UBE2Q1: variants seen among roughly 807,000 people sequenced by gnomAD.
UBE2Q1 encodes the protein ubiquitin conjugating enzyme E2 Q1, also known as ubiquitin-conjugating enzyme E2 Q1.
A neutral mutation model predicts 60.1 loss-of-function variants in UBE2Q1; 6 were observed. The ratio of observed to expected loss-of-function variants is 0.10; its 90% CI spans 0.05 to 0.20. UBE2Q1 has a LOEUF of 0.20. UBE2Q1 is among the 10% of genes least tolerant of loss of function. UBE2Q1 has a pLI of 1.00. For synonymous variants in UBE2Q1, 226 were observed against 208.3 expected (o/e 1.09, Z -0.73); for missense variants, 262 against 525.8 (o/e 0.50, Z 4.91).
chr1:154,554,866 C>T, intron 3 of UBE2Q1, 81 bp from the exon 4 acceptor site: 1 of 1,491,376 alleles, frequency 6.7e-7, no homozygotes. Flanking sequence ...CCCCTGAGCC[C>T]CCAGGTCTGG....
chr1:154,550,301 T>A lies in UBE2Q1; in HGVS notation c.*137A>T. On this transcript the variant is annotated 3_prime_UTR_variant, in exon 13 of 13. Coordinates refer to ENST00000292211, the MANE Select transcript of UBE2Q1 (RefSeq NM_017582.7). ...TTAGCGTTTAGAATAGCCATCATTG[T>A]CCTGCAATAGGCAGAGCTATCACGT... 1 of 1,146,906 alleles carries A rather than the reference T, an allele frequency of 8.7e-7. No individual in the cohort carries two copies. The highest frequency in any genetic ancestry group is 1.3e-6 in the Non-Finnish European group (1 of 784,236). The allele number at this position is 1,146,906 out of a possible 1,614,324, so 71.0% of individuals were successfully genotyped here. A position where few individuals can be genotyped will look rare whatever the true frequency, so the allele number is the denominator to read the frequency against.
At chr1:154,550,864 T>C in intron 12 of UBE2Q1, 74 bp downstream of exon 12, 3 of 1,612,572 alleles carry the variant, frequency 1.9e-6, no homozygotes, top group South Asian at 2.2e-5. Context: ...GAAGGGGTTC[T>C]TGCTCTGTGG....
chr1:154,551,054 T>C (rs1695783369), intron 11 of UBE2Q1, 50 bp from the exon 12 acceptor site: 2 of 1,604,878 alleles, frequency 1.2e-6, no homozygotes, highest in Non-Finnish European at 1.7e-6. Context: ...GTGGCCTTAC[T>C]GCCCCTCACC....
intron 4 of UBE2Q1, 124 bp from the exon 5 acceptor site, chr1:154,553,296 T>A: frequency 7.8e-7 from 1 of 1,287,512 alleles, no homozygotes; most frequent in Non-Finnish European, 1.0e-6. Context: ...GCAGTCCATC[T>A]AGCAGTCTTA....
intron 3 of UBE2Q1, 65 bp from the exon 4 acceptor site, chr1:154,554,850 C>T: frequency 1.3e-6 from 2 of 1,561,330 alleles, no homozygotes; most frequent in Non-Finnish European, 1.8e-6. Context: ...CAGCCTCCAA[C>T]CTACTCCCCT....
At position 154,558,174 on chromosome 1, in the gene UBE2Q1, C is replaced by A. The variant is rs1695925272; in HGVS notation, c.327+53G>T. On this transcript the variant is annotated intron_variant, in intron 1 of 12. Transcript: ENST00000292211. Reference sequence around the variant, plus strand: ...AGAGCAAAAAGCTGGATGGAGTGATCCTGGGTCCCTGACAAGGGGCCCCCA... The same window carrying A: ...AGAGCAAAAAGCTGGATGGAGTGATACTGGGTCCCTGACAAGGGGCCCCCA... 6 of 1,419,966 alleles carry A rather than the reference C, an allele frequency of 4.2e-6. No individual in the cohort carries two copies. The Admixed American group carries it at 1.5e-4, about 36-fold the overall frequency. 88.0% of individuals were successfully genotyped at this position (1,419,966 alleles called of 1,614,324 possible). A position where few individuals can be genotyped will look rare whatever the true frequency, so the allele number is the denominator to read the frequency against.
At chr1:154,551,893 T>G (rs756239158) in intron 9 of UBE2Q1, 28 bp downstream of exon 9, 2 of 1,614,116 alleles carry the variant, frequency 1.2e-6, no homozygotes, top group South Asian at 2.2e-5. Context: ...CCAGAGGAGA[T>G]GCCCTCTTCC....
intron 2 of UBE2Q1, 112 bp from the exon 3 acceptor site, chr1:154,555,644 T>G: frequency 3.7e-6 from 4 of 1,076,296 alleles, no homozygotes; most frequent in Non-Finnish European, 5.6e-6. Context: ...CTCTAAGCCT[T>G]ATGGGCCACG....
rs1001602544 is a variant in UBE2Q1, at chr1:154,550,456, G to A, written c.1251C>T (p.Pro417=). The A allele has an allele frequency of 6.2e-7, 1 of 1,613,998 alleles. No individual in the cohort carries two copies. Among genetic ancestry groups the A allele is most frequent in the Non-Finnish European group, 8.5e-7 (1 of 1,180,000 alleles). The change falls in exon 13 of 13, where the codon CCC becomes CCT. Residue 417 remains proline (P), a synonymous_variant. Coordinates refer to ENST00000292211, the MANE Select transcript of UBE2Q1 (RefSeq NM_017582.7). ...TCCAGGGTTAGCCGTCTTCTTTTGG[G>A]GGTGTGTACCAGCCTGCAAAGAAAT... ...QIHEKNGWYT[P]PKEDG
chr1:154,558,621 C>T lies in UBE2Q1; in HGVS notation c.-68G>A. 1.0e-6 allele frequency: 1 copy of T among 967,912 alleles called. No homozygotes were observed. Among genetic ancestry groups the T allele is most frequent in the Non-Finnish European group, 1.2e-6 (1 of 823,658 alleles). 60.0% of individuals were successfully genotyped at this position (967,912 alleles called of 1,614,324 possible). The stretch of plus-strand genomic sequence containing the variant: ...CCGGCCTGCGCTCCGGGCTCCGCCG[C>T]CGCCGCCGCCGCCGCCGCCGCCGCC... On this transcript the variant is annotated 5_prime_UTR_variant, in exon 1 of 13. Transcript: ENST00000292211.
intron 1 of UBE2Q1, among the ~76,000 whole-genome samples, chr1:154,557,070 A>G (rs1338862756): frequency 6.6e-6 from 1 of 152,258 alleles, no homozygotes; most frequent in African/African-American, 2.4e-5. Context: ...ATGAAAAGAG[A>G]AATGGGACAT....
Position 154,555,611 on chromosome 1 carries a change from G to A in UBE2Q1, c.433-79C>T, listed in dbSNP as rs1488732146. 4.5e-5 allele frequency: 60 copies of A among 1,336,850 alleles called. No homozygotes were observed. The East Asian group carries it at 8.3e-4, about 18-fold the overall frequency. The allele number at this position is 1,336,850 out of a possible 1,614,324, so 82.8% of individuals were successfully genotyped here. A position where few individuals can be genotyped will look rare whatever the true frequency, so the allele number is the denominator to read the frequency against. ...AAGTGCATGGATGAGCTCTTAGTTT[G>A]GGCCCCACACCAATAACTAGTTCTC... On this transcript the variant is annotated intron_variant, in intron 2 of 12. Transcript: ENST00000292211.
At chr1:154,554,587 C>T (rs142643340) in intron 4 of UBE2Q1, 148 bp downstream of exon 4, 4 of 830,578 alleles carry the variant, frequency 4.8e-6, no homozygotes, top group African/African-American at 1.7e-5. Flanking sequence ...TCCTCTACTA[C>T]ACTGGCTATT....
Position 154,552,074 on chromosome 1 carries a change from T to C in UBE2Q1, c.966+19A>G, listed in dbSNP as rs748850043. On this transcript the variant is annotated intron_variant, in intron 8 of 12. Coordinates refer to ENST00000292211, the MANE Select transcript of UBE2Q1 (RefSeq NM_017582.7). ...GGCAGCCTAGGCCAGAGGGAGAGAC[T>C]GGAAAAGAAAAGTCTTACTTTAAAG... 1 of 1,614,082 alleles carries C rather than the reference T, an allele frequency of 6.2e-7. No homozygotes were observed. Among genetic ancestry groups the C allele is most frequent in the Admixed American group, 1.7e-5 (1 of 60,014 alleles).
At chr1:154,552,678 C>T in intron 6 of UBE2Q1, 58 bp downstream of exon 6, 1 of 1,583,378 alleles carries the variant, frequency 6.3e-7, no homozygotes, top group South Asian at 1.1e-5. Flanking sequence ...GGCCCCTTGC[C>T]ACCATACCCT....
intron 4 of UBE2Q1, among the ~76,000 whole-genome samples, chr1:154,554,199 C>T (rs1051121664): frequency 4.6e-5 from 7 of 152,198 alleles, no homozygotes; most frequent in African/African-American, 1.7e-4. Context: ...CCCAAAGTCA[C>T]AGCTCTTAGC....
Position 154,552,199 on chromosome 1 carries a change from C to T in UBE2Q1, c.876-16G>A, listed in dbSNP as rs756908570. 1.9e-6 allele frequency: 3 copies of T among 1,614,032 alleles called. No homozygotes were observed. Among genetic ancestry groups the T allele is most frequent in the South Asian group, 2.2e-5 (2 of 91,084 alleles). On this transcript the variant is annotated splice_polypyrimidine_tract_variant and intron_variant, in intron 7 of 12. Coordinates refer to ENST00000292211, the MANE Select transcript of UBE2Q1 (RefSeq NM_017582.7). Reference sequence around the variant, plus strand: ...CTGGTCAACTCTAAGAAGCAACAAGCCTGGGCTCAGATGCCTGGTTCCACC... The same window carrying T: ...CTGGTCAACTCTAAGAAGCAACAAGTCTGGGCTCAGATGCCTGGTTCCACC...
intron 6 of UBE2Q1, 45 bp from the exon 7 acceptor site, chr1:154,552,509 G>T (rs770942689): frequency 6.2e-7 from 1 of 1,609,714 alleles, no homozygotes; most frequent in South Asian, 1.1e-5. Context: ...GGTCCAGGTG[G>T]TGAGTGGTCT....
At position 154,550,229 on chromosome 1, in the gene UBE2Q1, A is replaced by C. The variant is rs867339545; in HGVS notation, c.*209T>G. 6.2e-6 allele frequency: 4 copies of C among 643,908 alleles called. No individual in the cohort carries two copies. Among genetic ancestry groups the C allele is most frequent in the South Asian group, 2.5e-5 (1 of 39,674 alleles). The allele number at this position is 643,908 out of a possible 1,614,324, so 39.9% of individuals were successfully genotyped here. A position where few individuals can be genotyped will look rare whatever the true frequency, so the allele number is the denominator to read the frequency against. On this transcript the variant is annotated 3_prime_UTR_variant, in exon 13 of 13. Transcript: ENST00000292211. ...CCAGCAAGGTGGTTGGTTGGTCTGT[A>C]AGTCAGTCTTGAGTACTTGAAACAG...
Sources: gnomAD v4.1 joint callset for allele counts (sites outside exome capture counted in the v4.1 genomes callset) on GRCh38, gnomAD v4.1.1 for gene constraint, MANE v1.5 for transcripts, NCBI Gene and HGNC (gene_info 2026-07-23, HGNC 2026-07-21) for gene names.